Variants in SEPTIN10 observed in about 807,000 individuals in gnomAD.
The protein encoded by SEPTIN10 is septin-10.
In SEPTIN10, 66 loss-of-function variants were observed where a neutral mutation model predicts 54.8. The ratio of observed to expected loss-of-function variants is 1.21; its 90% CI spans 0.99 to 1.48. SEPTIN10 has a LOEUF of 1.48. Among genes scored for constraint, SEPTIN10 ranks in the 40% most tolerant of loss-of-function variants. The pLI is 0.00. For missense variants in SEPTIN10, 620 were observed against 545.6 expected (o/e 1.14, Z -1.36); for synonymous variants, 161 against 181.0 (o/e 0.89, Z 0.89).
At chr2:109,578,610 T>C (rs895579213) in intron 4 of SEPTIN10, among the ~76,000 whole-genome samples, 2 of 151,826 alleles carry the variant, frequency 1.3e-5, no homozygotes, top group African/African-American at 2.4e-5. Context: ...CTACTAAAAA[T>C]ACAAAAATTA....
intron 3 of SEPTIN10, 127 bp from the exon 4 acceptor site, chr2:109,585,448 C>T (rs1278758591): frequency 2.6e-6 from 2 of 779,886 alleles, no homozygotes; most frequent in Admixed American, 5.8e-5. Context: ...GAAAGAAATA[C>T]ACACTACGGC....
In SEPTIN10 at chr2:109,593,042, C is replaced by T. The variant is rs1011422794; in HGVS notation, c.99+9G>A. On this transcript the variant is annotated intron_variant, in intron 2 of 10. Transcript: ENST00000397712. ...TACAATATGGTATCTATTTAAAAGA[C>T]ATACTCACTATCTGTTCATCATCTG... The T allele has an allele frequency of 6.4e-7, 1 of 1,568,150 alleles. No individual in the cohort carries two copies. Among genetic ancestry groups the T allele is most frequent in the Non-Finnish European group, 8.6e-7 (1 of 1,156,814 alleles).
At chr2:109,585,408 C>T (rs1692269226) in intron 3 of SEPTIN10, 87 bp from the exon 4 acceptor site, 1 of 1,158,246 alleles carries the variant, frequency 8.6e-7, no homozygotes, top group African/African-American at 1.6e-5. Flanking sequence ...TTTCAAAGAT[C>T]CCAAATATTT....
At chr2:109,588,214 T>C (rs962794640) in intron 2 of SEPTIN10, among the ~76,000 whole-genome samples, 1 of 151,968 alleles carries the variant, frequency 6.6e-6, no homozygotes, top group Non-Finnish European at 1.5e-5. Flanking sequence ...GAAAATCCAC[T>C]GCCAGTTGGC....
chr2:109,567,950 T>C lies in SEPTIN10; in HGVS notation c.627A>G (p.Lys209=). ...ATTCAGTTTTAGAAACCGTATCTGC[T>C]TTGGCAATCACTGGTATAATGTTTA... ...SKVNIIPVIA[K]ADTVSKTELQ... The change falls in exon 6 of 11, where the codon AAA becomes AAG. Residue 209 remains lysine, a synonymous_variant. Transcript: ENST00000397712. 1 of 1,612,466 alleles carries C rather than the reference T, an allele frequency of 6.2e-7. No individual in the cohort carries two copies. The highest frequency in any genetic ancestry group is 8.5e-7 in the Non-Finnish European group (1 of 1,179,540).
In SEPTIN10 at chr2:109,585,332, C is replaced by A. The variant is rs781065433; in HGVS notation, c.218-11G>T. The stretch of plus-strand genomic sequence containing the variant: ...CAATTCCAGTTTCCCCTGAAACACA[C>A]AAAGGTACATCTTTATGGTTGCATG... On this transcript the variant is annotated splice_polypyrimidine_tract_variant and intron_variant, in intron 3 of 10. Transcript: ENST00000397712. 7.1e-5 allele frequency: 113 copies of A among 1,586,582 alleles called. No individual in the cohort carries two copies. The Admixed American group carries it at 1.8e-3, about 25-fold the overall frequency.
intron 9 of SEPTIN10, among the ~76,000 whole-genome samples, chr2:109,547,565 A>G (rs934735085): frequency 6.6e-6 from 1 of 152,170 alleles, no homozygotes; most frequent in Non-Finnish European, 1.5e-5. Flanking sequence ...AATCATCTTG[A>G]TAAACCATAT....
intron 9 of SEPTIN10, among the ~76,000 whole-genome samples, chr2:109,551,571 T>G (rs561046231): frequency 6.6e-6 from 1 of 152,322 alleles, no homozygotes; most frequent in South Asian, 2.1e-4. Context: ...TTGGGTGAGA[T>G]TATGGTATTC....
At chr2:109,584,555 T>C (rs953440716) in intron 4 of SEPTIN10, among the ~76,000 whole-genome samples, 1 of 151,970 alleles carries the variant, frequency 6.6e-6, no homozygotes, top group Admixed American at 6.6e-5. Context: ...CCAATCCTTT[T>C]CCCCCTTTCA....
intron 8 of SEPTIN10, among the ~76,000 whole-genome samples, chr2:109,559,370 T>G (rs1030172547): frequency 2.6e-5 from 4 of 152,154 alleles, no homozygotes; most frequent in Non-Finnish European, 5.9e-5. Flanking sequence ...AGGAAGACAA[T>G]AGTGAGCCAC....
chr2:109,602,710 T>C (rs984233218), intron 1 of SEPTIN10, among the ~76,000 whole-genome samples: 48 of 145,740 alleles, frequency 3.3e-4, no homozygotes, highest in Middle Eastern at 3.7e-3. Context: ...GATTACTAGA[T>C]GGCTCGAATT....
intron 1 of SEPTIN10, chr2:109,613,353 G>C (rs543013778): frequency 2.2e-4 from 79 of 358,454 alleles, no homozygotes; most frequent in Non-Finnish European, 3.3e-4. Context: ...GGATAAAACG[G>C]GAGAGCTTTT....
chr2:109,610,455 C>T (rs1302100118), intron 1 of SEPTIN10, among the ~76,000 whole-genome samples: 1 of 152,160 alleles, frequency 6.6e-6, no homozygotes, highest in Non-Finnish European at 1.5e-5. Context: ...TGGCTCACGC[C>T]TGTAATCCCA....
Position 109,606,875 on chromosome 2 carries a change from C to T in SEPTIN10, c.30+6923G>A, listed in dbSNP as rs1399976334. On this transcript the variant is annotated intron_variant, in intron 1 of 10. Coordinates refer to ENST00000397712, the MANE Select transcript of SEPTIN10 (RefSeq NM_144710.5). ...CCATGTTGACCAGGCTGGTCTCAAA[C>T]TCCTGACCGGAGGTGACCCACCCAC... is the stretch of plus-strand genomic sequence containing the variant. 3.3e-5 allele frequency among the ~76,000 whole-genome samples: 5 copies of T among 152,122 alleles called. No individual in the cohort carries two copies. In the East Asian group the frequency reaches 9.7e-4, roughly 29 times the overall value.
Position 109,585,265 on chromosome 2 carries a change from C to T in SEPTIN10, c.274G>A (p.Glu92Lys), listed in dbSNP as rs1303600336. The T allele has an allele frequency of 8.7e-6, 14 of 1,612,140 alleles. No homozygotes were observed. In the Admixed American group the frequency reaches 2.3e-4, roughly 27 times the overall value. ...LIDTLFNTNF[E>K]DYESSHFCPN... The stretch of plus-strand genomic sequence containing the variant: ...CAAAAATGTGAGGATTCATAGTCTT[C>T]AAAATTAGTATTAAACAATGTGTCA... The change falls in exon 4 of 11, where the codon GAA becomes AAA. Residue 92 changes from glutamate to lysine, a missense_variant. By Grantham distance (56) the Glu-to-Lys change is moderately conservative. Transcript: ENST00000397712.
intron 4 of SEPTIN10, among the ~76,000 whole-genome samples, chr2:109,581,260 T>G (rs1010688125): frequency 1.3e-5 from 2 of 151,958 alleles, no homozygotes; most frequent in Non-Finnish European, 2.9e-5. Flanking sequence ...ACCAACATGG[T>G]GAAACCCCGT....
At chr2:109,575,026 T>C (rs372667796) in intron 4 of SEPTIN10, among the ~76,000 whole-genome samples, 20 of 152,340 alleles carry the variant, frequency 1.3e-4, no homozygotes, top group African/African-American at 4.8e-4. Context: ...GCATTTCATA[T>C]CCCAATAAAC....
intron 1 of SEPTIN10, among the ~76,000 whole-genome samples, chr2:109,595,290 G>A (rs559669176): frequency 9.9e-5 from 15 of 152,250 alleles, no homozygotes; most frequent in Admixed American, 7.2e-4. Flanking sequence ...GGGACACAAC[G>A]GTTCTGATTG....
In SEPTIN10 at chr2:109,568,116, C is replaced by T. The variant is rs78742211; in HGVS notation, c.601-140G>A. The T allele has an allele frequency of 1.2e-3, 746 of 634,986 alleles. 7 individuals carry two copies. In the East Asian group the frequency reaches 0.018, roughly 15 times the overall value. 39.3% of individuals were successfully genotyped at this position (634,986 alleles called of 1,614,324 possible). A position where few individuals can be genotyped will look rare whatever the true frequency, so the allele number is the denominator to read the frequency against. ...GGGGGGCTGGCAAACTACGGTCCAT[C>T]TCGCTGTTGATCTTGATACATAAAG... On this transcript the variant is annotated intron_variant, in intron 5 of 10. Transcript: ENST00000397712.
Sources: gnomAD v4.1 joint callset for allele counts (sites outside exome capture counted in the v4.1 genomes callset) on GRCh38, gnomAD v4.1.1 for gene constraint, MANE v1.5 for transcripts, NCBI Gene and HGNC (gene_info 2026-07-23, HGNC 2026-07-21) for gene names.